The following KCNJ15 variants were observed in gnomAD, a reference collection of about 807,000 sequenced individuals.
The protein encoded by KCNJ15 is ATP-sensitive inward rectifier potassium channel 15.
Under a neutral mutation model 23.0 loss-of-function variants are expected in KCNJ15, and 14 were observed. The ratio of observed to expected loss-of-function variants is 0.61; its 90% CI spans 0.40 to 0.95. The LOEUF is 0.95. Among genes scored for constraint, KCNJ15 ranks in the 40% least tolerant of loss-of-function variants. The pLI is 0.00. For synonymous variants in KCNJ15, 185 were observed against 183.2 expected, an observed-to-expected ratio of 1.01 and a Z score of -0.08; for missense variants, 388 against 461.8, an observed-to-expected ratio of 0.84 and a Z score of 1.46.
intron 1 of KCNJ15, among the ~76,000 whole-genome samples, chr21:38,251,052 G>C (rs1272088719): frequency 6.6e-6 from 1 of 152,106 alleles, no homozygotes; most frequent in African/African-American, 2.4e-5. Flanking sequence ...GAAGAGGTGG[G>C]GGGTAATACA....
intron 1 of KCNJ15, among the ~76,000 whole-genome samples, chr21:38,281,238 A>G (rs1193215074): frequency 6.6e-6 from 1 of 152,150 alleles, no homozygotes; most frequent in Non-Finnish European, 1.5e-5. Flanking sequence ...CACAATATAT[A>G]CATTTTTCGT....
intron 1 of KCNJ15, among the ~76,000 whole-genome samples, chr21:38,279,947 G>C (rs1314567166): frequency 1.3e-5 from 2 of 152,154 alleles, no homozygotes; most frequent in African/African-American, 4.8e-5. Context: ...CAATGTCTTG[G>C]CTGAAAACAG....
chr21:38,283,501 A>G (rs1317073260), intron 1 of KCNJ15, among the ~76,000 whole-genome samples: 1 of 152,248 alleles, frequency 6.6e-6, no homozygotes, highest in Non-Finnish European at 1.5e-5. Context: ...AACACTGCAT[A>G]ATATTTCAGC....
chr21:38,295,710 G>T (rs1307156272), intron 1 of KCNJ15, among the ~76,000 whole-genome samples: 1 of 152,078 alleles, frequency 6.6e-6, no homozygotes, highest in Non-Finnish European at 1.5e-5. Flanking sequence ...ATAACCTAAG[G>T]CAGTAACATA....
chr21:38,278,685 C>T lies in KCNJ15; in HGVS notation c.-116-18241C>T, dbSNP rs183442255. On this transcript the variant is annotated intron_variant, in intron 1 of 2. Transcript: ENST00000398938. ...ACACCCCAAAGGATAGACATGAGAA[C>T]GCTGGCCAAGACAGGAGGTGGGCTT... Among the ~76,000 whole-genome samples, 45 of 152,234 alleles carry T rather than the reference C, an allele frequency of 3.0e-4. No individual in the cohort carries two copies. In the East Asian group the frequency reaches 4.3e-3, roughly 14 times the overall value.
rs571178994 is a variant in KCNJ15 at position 38,260,030 on chromosome 21, A to G, written c.-117+2845A>G. On this transcript the variant is annotated intron_variant, in intron 1 of 2. Coordinates refer to ENST00000398938, the MANE Select transcript of KCNJ15 (RefSeq NM_170736.3). ...CAGAGAGGGAGAGAAACTAAGTTAT[A>G]ATTTATAAATAAAGGTTTATAAACA... is the stretch of plus-strand genomic sequence containing the variant. Among the ~76,000 whole-genome samples the G allele has an allele frequency of 3.3e-5, 5 of 152,340 alleles. No homozygotes were observed. The East Asian group carries it at 9.6e-4, about 29-fold the overall frequency.
intron 1 of KCNJ15, among the ~76,000 whole-genome samples, chr21:38,239,709 A>C (rs1317693278): frequency 6.6e-6 from 1 of 152,236 alleles, no homozygotes; most frequent in Non-Finnish European, 1.5e-5. Context: ...TTAAAGTAAA[A>C]AATTGAGTTA....
At position 38,269,879 on chromosome 21, in the gene KCNJ15, C is replaced by G. The variant is rs542152908; in HGVS notation, c.-117+12694C>G. Among the ~76,000 whole-genome samples, 5 of 152,098 alleles carry G rather than the reference C, an allele frequency of 3.3e-5. No homozygotes were observed. The South Asian group carries it at 6.3e-4, about 19-fold the overall frequency. On this transcript the variant is annotated intron_variant, in intron 1 of 2. Coordinates refer to ENST00000398938, the MANE Select transcript of KCNJ15 (RefSeq NM_170736.3). ...TGACCACTGTAAAACACCACTGTTGCACCCTGGGGTTCTCTGTGGGATGCC... is the reference window on the plus strand; with the variant it reads ...TGACCACTGTAAAACACCACTGTTGGACCCTGGGGTTCTCTGTGGGATGCC...
intron 1 of KCNJ15, among the ~76,000 whole-genome samples, chr21:38,287,443 A>G (rs995377457): frequency 1.3e-5 from 2 of 152,250 alleles, no homozygotes; most frequent in African/African-American, 4.8e-5. Context: ...CAGATTTAGC[A>G]AATACAAATG....
intron 1 of KCNJ15, among the ~76,000 whole-genome samples, chr21:38,259,999 T>A (rs918333006): frequency 6.6e-6 from 1 of 152,168 alleles, no homozygotes; most frequent in African/African-American, 2.4e-5. Flanking sequence ...AAAGGAGAAC[T>A]AAGGGCAGAG....
chr21:38,280,689 T>C (rs1983233086), intron 1 of KCNJ15, among the ~76,000 whole-genome samples: 2 of 152,120 alleles, frequency 1.3e-5, no homozygotes, highest in Non-Finnish European at 2.9e-5. Flanking sequence ...TTTGTAATAC[T>C]GTATGGGTGA....
At chr21:38,247,096 GGATGCATGGATGGATGGATGGA>G in intron 1 of KCNJ15, among the ~76,000 whole-genome samples, 1 of 69,826 alleles carries the variant, frequency 1.4e-5, no homozygotes, top group South Asian at 5.3e-4. Flanking sequence ...ATGGATGGAT[GGATGCATGGATGGATGGATGGA>G]TGGATGGATG....
chr21:38,271,620 A>C (rs1982108146), intron 1 of KCNJ15, among the ~76,000 whole-genome samples: 1 of 152,192 alleles, frequency 6.6e-6, no homozygotes, highest in South Asian at 2.1e-4. Flanking sequence ...TATAAGGGGA[A>C]GTCCTGGAGA....
chr21:38,232,524 A>C (rs1978343617), intron 1 of KCNJ15, among the ~76,000 whole-genome samples: 1 of 151,766 alleles, frequency 6.6e-6, no homozygotes, highest in South Asian at 2.1e-4. Flanking sequence ...GCAGTGTCTT[A>C]AGGTGGAAGT....
At chr21:38,262,183 T>C (rs1980975174) in intron 1 of KCNJ15, among the ~76,000 whole-genome samples, 1 of 152,216 alleles carries the variant, frequency 6.6e-6, no homozygotes, top group African/African-American at 2.4e-5. Context: ...GAAAAGTTTA[T>C]CCTCTGCTTT....
chr21:38,241,742 G>A (rs1020397585), intron 1 of KCNJ15, among the ~76,000 whole-genome samples: 15 of 152,166 alleles, frequency 9.9e-5, no homozygotes, highest in East Asian at 3.9e-4. Flanking sequence ...CAAGGAGGGC[G>A]GATTGCTTGA....
At chr21:38,260,872 T>C (rs957323387) in intron 1 of KCNJ15, among the ~76,000 whole-genome samples, 1 of 152,146 alleles carries the variant, frequency 6.6e-6, no homozygotes, top group Non-Finnish European at 1.5e-5. Context: ...GCAGTCTTAA[T>C]GTGCAGGGAT....
intron 1 of KCNJ15, among the ~76,000 whole-genome samples, chr21:38,270,713 T>A (rs1981981686): frequency 6.6e-6 from 1 of 152,168 alleles, no homozygotes; most frequent in African/African-American, 2.4e-5. Context: ...CTTGTGATCA[T>A]CCCGTTTTGT....
At position 38,272,626 on chromosome 21, in the gene KCNJ15, C is replaced by T. The variant is rs534524229; in HGVS notation, c.-117+15441C>T. 1.1e-4 allele frequency: 16 copies of T among 152,262 alleles called. No homozygotes were observed. In the South Asian group the frequency reaches 3.1e-3, roughly 30 times the overall value. The allele number at this position is 152,262 out of a possible 1,614,324, so 9.4% of individuals were successfully genotyped here. On this transcript the variant is annotated intron_variant, in intron 1 of 2. Coordinates refer to ENST00000398938, the MANE Select transcript of KCNJ15 (RefSeq NM_170736.3). The stretch of plus-strand genomic sequence containing the variant: ...GCAAAGGAAGAGGGGAAAAAGCCAC[C>T]CAGACCTTAAAGGAGATTTCTGGAA...
Sources: gnomAD v4.1 joint callset for allele counts (sites outside exome capture counted in the v4.1 genomes callset) on GRCh38, gnomAD v4.1.1 for gene constraint, MANE v1.5 for transcripts, NCBI Gene and HGNC (gene_info 2026-07-23, HGNC 2026-07-21) for gene names.